Variants in EFNA5 observed in about 807,000 individuals in gnomAD.
The protein encoded by EFNA5 is ephrin A5.
A neutral mutation model predicts 22.9 loss-of-function variants in EFNA5; 5 were observed. That is an observed-to-expected ratio of 0.22 (90% CI 0.11 to 0.46). The LOEUF (loss-of-function observed/expected upper bound fraction) is 0.46. Ranked by LOEUF, EFNA5 falls within the 20% of genes least tolerant of loss-of-function variation. The pLI, the probability that EFNA5 is intolerant of heterozygous loss-of-function variation, is 0.99. For missense variants in EFNA5, 237 were observed against 293.3 expected (o/e 0.81, Z 1.40); for synonymous variants, 113 against 112.2 (o/e 1.01, Z -0.04).
chr5:107,540,309 A>G (rs1748017757), intron 1 of EFNA5, among the ~76,000 whole-genome samples: 1 of 152,234 alleles, frequency 6.6e-6, no homozygotes, highest in South Asian at 2.1e-4. Flanking sequence ...CCAGATTGAG[A>G]ATGCATGACA....
intron 2 of EFNA5, 26 bp downstream of exon 2, chr5:107,427,191 A>G (rs369274052): frequency 2.5e-6 from 4 of 1,613,610 alleles, no homozygotes; most frequent in African/African-American, 1.3e-5. Flanking sequence ...GCTGCCCTAC[A>G]ACACGATAAA....
At chr5:107,582,030 A>G (rs555996524) in intron 1 of EFNA5, among the ~76,000 whole-genome samples, 1 of 152,326 alleles carries the variant, frequency 6.6e-6, no homozygotes, top group Non-Finnish European at 1.5e-5. Flanking sequence ...ACCCAGAAAA[A>G]TCCTGGTGCC....
At chr5:107,528,754 A>G (rs1480611124) in intron 1 of EFNA5, among the ~76,000 whole-genome samples, 4 of 152,224 alleles carry the variant, frequency 2.6e-5, no homozygotes, top group Non-Finnish European at 5.9e-5. Context: ...ATGAAATTTA[A>G]TATTTTAATT....
intron 2 of EFNA5, among the ~76,000 whole-genome samples, chr5:107,424,573 G>C (rs1748760936): frequency 6.6e-6 from 1 of 151,984 alleles, no homozygotes; most frequent in South Asian, 2.1e-4. Context: ...GGAGCTAAGA[G>C]GTACTGCTGT....
intron 1 of EFNA5, among the ~76,000 whole-genome samples, chr5:107,578,663 T>G (rs1273688217): frequency 6.6e-6 from 1 of 152,188 alleles, no homozygotes; most frequent in Non-Finnish European, 1.5e-5. Context: ...TCAGAGCATC[T>G]GTCCAATTAA....
At chr5:107,488,681 C>T (rs26240) in intron 1 of EFNA5, among the ~76,000 whole-genome samples, 70,831 of 151,906 alleles carry the variant, frequency 0.47, 16,871 homozygotes, top group East Asian at 0.56. Context: ...ACATTAAGAC[C>T]GAAAAACAAA....
intron 1 of EFNA5, among the ~76,000 whole-genome samples, chr5:107,606,580 C>T (rs941237777): frequency 1.5e-5 from 2 of 137,494 alleles, no homozygotes; most frequent in Non-Finnish European, 3.2e-5. Flanking sequence ...CACACACACA[C>T]ACAGAGCTAG....
chr5:107,515,386 A>G (rs1301938023), intron 1 of EFNA5, among the ~76,000 whole-genome samples: 2 of 147,650 alleles, frequency 1.4e-5, no homozygotes, highest in African/African-American at 2.5e-5. Flanking sequence ...TATTATTATT[A>G]TTATTATTAT....
chr5:107,458,850 A>G (rs574386880), intron 1 of EFNA5, among the ~76,000 whole-genome samples: 107 of 152,276 alleles, frequency 7.0e-4, no homozygotes, highest in Middle Eastern at 6.8e-3. Flanking sequence ...TCAGGGGAAG[A>G]GACAGAATAA....
rs543650255 is a variant in EFNA5, at chr5:107,378,249, A to C, written c.*3006T>G. 1 of 151,314 alleles carries C rather than the reference A, an allele frequency of 6.6e-6. No homozygotes were observed. The highest frequency in any genetic ancestry group is 1.9e-4 in the East Asian group (1 of 5,158). The allele number at this position is 151,314 out of a possible 1,614,324, so 9.4% of individuals were successfully genotyped here. Reference sequence around the variant, plus strand: ...CCTCTGCCACCCAAGAAAGTACAGTACAAAACAATAGTCTAAACTAACACG... The same window carrying C: ...CCTCTGCCACCCAAGAAAGTACAGTCCAAAACAATAGTCTAAACTAACACG... On this transcript the variant is annotated 3_prime_UTR_variant, in exon 5 of 5. Coordinates refer to ENST00000333274, the MANE Select transcript of EFNA5 (RefSeq NM_001962.3).
intron 1 of EFNA5, among the ~76,000 whole-genome samples, chr5:107,589,930 G>A (rs539777368): frequency 1.4e-3 from 210 of 152,234 alleles, no homozygotes; most frequent in Non-Finnish European, 2.4e-3. Context: ...AACCCTGCCA[G>A]AAAAAGTGCT....
chr5:107,517,990 G>T (rs891135357), intron 1 of EFNA5, among the ~76,000 whole-genome samples: 2 of 152,068 alleles, frequency 1.3e-5, no homozygotes, highest in African/African-American at 4.8e-5. Flanking sequence ...AACTATATAT[G>T]CAACAACAAA....
intron 1 of EFNA5, among the ~76,000 whole-genome samples, chr5:107,642,248 A>C (rs941994797): frequency 6.6e-6 from 1 of 152,308 alleles, no homozygotes; most frequent in Middle Eastern, 3.4e-3. Flanking sequence ...AGAAGGAATA[A>C]GTTCAAGAGA....
chr5:107,653,453 G>A (rs918555262), intron 1 of EFNA5, among the ~76,000 whole-genome samples: 2 of 152,032 alleles, frequency 1.3e-5, no homozygotes, highest in African/African-American at 4.8e-5. Context: ...ATGCATACTT[G>A]AGCCCGCTCT....
At chr5:107,634,030 T>C (rs1261448840) in intron 1 of EFNA5, among the ~76,000 whole-genome samples, 1 of 152,226 alleles carries the variant, frequency 6.6e-6, no homozygotes, top group African/African-American at 2.4e-5. Context: ...ATTCAGACTT[T>C]AACAAAATTC....
At chr5:107,473,155 T>C (rs1219982093) in intron 1 of EFNA5, among the ~76,000 whole-genome samples, 2 of 152,130 alleles carry the variant, frequency 1.3e-5, no homozygotes, top group African/African-American at 4.8e-5. Context: ...AGTTGTAGCC[T>C]TTGTACTGCT....
At chr5:107,619,702 T>C (rs1400034119) in intron 1 of EFNA5, among the ~76,000 whole-genome samples, 1 of 152,020 alleles carries the variant, frequency 6.6e-6, no homozygotes, top group Non-Finnish European at 1.5e-5. Context: ...GGCCTTGTGA[T>C]CCGCCCACCT....
intron 1 of EFNA5, among the ~76,000 whole-genome samples, chr5:107,574,253 A>G (rs1748877595): frequency 6.6e-6 from 1 of 152,212 alleles, no homozygotes; most frequent in African/African-American, 2.4e-5. Context: ...ACATCACTAA[A>G]TGGTGGAAAG....
intron 2 of EFNA5, among the ~76,000 whole-genome samples, chr5:107,389,102 T>C (rs1325937884): frequency 1.3e-5 from 2 of 152,210 alleles, no homozygotes; most frequent in African/African-American, 4.8e-5. Context: ...ACTTTAATTT[T>C]AAAACAAAAG....
Sources: allele counts gnomAD v4.1 joint callset (sites outside exome capture counted in the v4.1 genomes callset), GRCh38; gene constraint gnomAD v4.1.1; transcripts MANE v1.5; gene names NCBI Gene and HGNC (gene_info 2026-07-23, HGNC 2026-07-21).